FTO: variants seen among roughly 807,000 people sequenced by gnomAD.
FTO encodes the protein FTO alpha-ketoglutarate dependent dioxygenase, also known as alpha-ketoglutarate-dependent dioxygenase FTO.
FTO carries 47 observed loss-of-function variants against 63.9 expected under a neutral mutation model. That is an observed-to-expected ratio of 0.74 (90% CI 0.58 to 0.94). The LOEUF is 0.94. Among genes scored for constraint, FTO ranks in the 40% least tolerant of loss-of-function variants. The pLI, the probability that FTO is intolerant of heterozygous loss-of-function variation, is 0.00. For missense variants in FTO, 562 were observed against 618.1 expected (o/e 0.91, Z 0.96); for synonymous variants, 207 against 224.4 (o/e 0.92, Z 0.69).
chr16:53,780,604 A>G (rs945440995), intron 1 of FTO, among the ~76,000 whole-genome samples: 1 of 152,056 alleles, frequency 6.6e-6, no homozygotes, highest in Non-Finnish European at 1.5e-5. Context: ...TCCTGACCTC[A>G]GGTGATTCAC....
At chr16:53,856,654 G>GCAGGAGAAGCACTTGAACC in intron 4 of FTO, among the ~76,000 whole-genome samples, 1 of 150,004 alleles carries the variant, frequency 6.7e-6, no homozygotes, top group African/African-American at 2.5e-5. Context: ...AGAGGCTGAG[G>GCAGGAGAAGCACTTGAACC]CAGGAGAATC....
At chr16:54,008,601 C>A (rs1407984077) in intron 8 of FTO, 1 of 151,926 alleles carries the variant, frequency 6.6e-6, no homozygotes, top group Admixed American at 6.6e-5. Flanking sequence ...CTTAATGCAT[C>A]TTAATATGCC....
chr16:53,942,004 C>A (rs1359801479), intron 8 of FTO, among the ~76,000 whole-genome samples: 1 of 152,118 alleles, frequency 6.6e-6, no homozygotes, highest in Non-Finnish European at 1.5e-5. Flanking sequence ...AATACCTTTC[C>A]TCTCAATCTA....
intron 8 of FTO, among the ~76,000 whole-genome samples, chr16:54,018,093 C>T (rs1297289377): frequency 6.6e-6 from 1 of 151,904 alleles, no homozygotes; most frequent in Admixed American, 6.6e-5. Context: ...CTCTTTTTCA[C>T]TTTGCTAAAG....
chr16:53,783,064 G>A (rs1404614564), intron 1 of FTO, among the ~76,000 whole-genome samples: 1 of 151,818 alleles, frequency 6.6e-6, no homozygotes, highest in Non-Finnish European at 1.5e-5. Context: ...TTATGTATCA[G>A]GCACTATACC....
intron 8 of FTO, chr16:53,998,707 T>C (rs1396877212): frequency 6.6e-6 from 1 of 152,200 alleles, no homozygotes; most frequent in Non-Finnish European, 1.5e-5. Context: ...TTAGCCTCTT[T>C]CCTTCTGGTT....
chr16:53,785,528 G>A (rs2077710676), intron 1 of FTO, among the ~76,000 whole-genome samples: 1 of 152,146 alleles, frequency 6.6e-6, no homozygotes, highest in Admixed American at 6.5e-5. Flanking sequence ...GTGCAAAGCT[G>A]GGAGAGGAAA....
chr16:53,974,753 A>C (rs982684087), intron 8 of FTO, among the ~76,000 whole-genome samples: 1 of 152,190 alleles, frequency 6.6e-6, no homozygotes, highest in Admixed American at 6.5e-5. Context: ...GATTATCTTA[A>C]ATGTCATTCT....
chr16:54,081,247 G>C (rs1017149418), intron 8 of FTO, among the ~76,000 whole-genome samples: 1 of 152,166 alleles, frequency 6.6e-6, no homozygotes, highest in Non-Finnish European at 1.5e-5. Flanking sequence ...TACGAGAACA[G>C]GGGCTTATGG....
intron 4 of FTO, among the ~76,000 whole-genome samples, chr16:53,859,917 C>T (rs1048093094): frequency 1.3e-5 from 2 of 152,012 alleles, no homozygotes; most frequent in Non-Finnish European, 2.9e-5. Flanking sequence ...TTCATATGAC[C>T]CAGCGATTCT....
intron 8 of FTO, among the ~76,000 whole-genome samples, chr16:53,946,871 G>A (rs996078358): frequency 4.6e-5 from 7 of 152,178 alleles, no homozygotes; most frequent in Non-Finnish European, 1.0e-4. Flanking sequence ...AAGGCAGCCT[G>A]CACAGTAATG....
intron 1 of FTO, among the ~76,000 whole-genome samples, chr16:53,749,736 G>C (rs973605303): frequency 6.6e-6 from 1 of 152,160 alleles, no homozygotes; most frequent in Non-Finnish European, 1.5e-5. Context: ...ACTGCGCCCG[G>C]CCAAGATTTT....
intron 1 of FTO, among the ~76,000 whole-genome samples, chr16:53,709,613 A>AT (rs2075718524): frequency 6.6e-6 from 1 of 152,046 alleles, no homozygotes; most frequent in Non-Finnish European, 1.5e-5. Context: ...GGCCCTATGC[A>AT]TTTTTTCCCA....
At chr16:53,717,900 T>A (rs1037891115) in intron 1 of FTO, among the ~76,000 whole-genome samples, 1 of 152,132 alleles carries the variant, frequency 6.6e-6, no homozygotes, top group African/African-American at 2.4e-5. Flanking sequence ...TGCCATCGAT[T>A]TATAATATCT....
chr16:53,743,121 G>C (rs1567947745), intron 1 of FTO, among the ~76,000 whole-genome samples: 1 of 152,156 alleles, frequency 6.6e-6, no homozygotes, highest in African/African-American at 2.4e-5. Context: ...ATCTATAGAA[G>C]CCTTGAATTT....
chr16:53,774,673 G>A (rs1259359697), intron 1 of FTO, among the ~76,000 whole-genome samples: 2 of 152,162 alleles, frequency 1.3e-5, no homozygotes, highest in Non-Finnish European at 2.9e-5. Context: ...TTGATATAAA[G>A]TCATCAGGAG....
intron 1 of FTO, among the ~76,000 whole-genome samples, chr16:53,795,883 C>G (rs894213940): frequency 6.6e-6 from 1 of 152,018 alleles, no homozygotes; most frequent in African/African-American, 2.4e-5. Context: ...CCCAGTTAGT[C>G]TTTGATTCAA....
chr16:53,978,958 C>T (rs535086577), intron 8 of FTO, among the ~76,000 whole-genome samples: 8 of 152,094 alleles, frequency 5.3e-5, no homozygotes, highest in East Asian at 3.9e-4. Context: ...GAGATCATGC[C>T]GCTGCACTCC....
chr16:53,883,646 A>ACC (rs758841989), intron 6 of FTO, among the ~76,000 whole-genome samples: 2 of 135,702 alleles, frequency 1.5e-5, no homozygotes, highest in African/African-American at 6.0e-5. Flanking sequence ...CAAAAAAAAA[A>ACC]AAACAAATTT....
Sources: gnomAD v4.1 joint callset for allele counts (sites outside exome capture counted in the v4.1 genomes callset) on GRCh38, gnomAD v4.1.1 for gene constraint, MANE v1.5 for transcripts, NCBI Gene and HGNC (gene_info 2026-07-23, HGNC 2026-07-21) for gene names.